EXPH5: variants seen among roughly 807,000 people sequenced by gnomAD.
EXPH5 encodes the protein exophilin 5, also known as exophilin-5.
In EXPH5, 42 loss-of-function variants were observed where a neutral mutation model predicts 41.1. The observed-to-expected ratio is 1.02, with a 90% CI of 0.80 to 1.32. The LOEUF (loss-of-function observed/expected upper bound fraction) is 1.32, where lower values mean the gene tolerates loss of function less well. EXPH5 is among the 40% of genes most tolerant of loss of function. EXPH5 has a pLI of 0.00. For synonymous variants in EXPH5, 798 were observed against 833.5 expected (o/e 0.96, Z 0.73); for missense variants, 2,298 against 2,314.5 (o/e 0.99, Z 0.15).
rs1311329001 is a variant in EXPH5, at chr11:108,509,871, G to T, written c.5636C>A (p.Ser1879Tyr). The change falls in exon 6 of 6, where the codon TCT (serine) becomes TAT (tyrosine). Residue 1879 changes from serine to tyrosine, a missense_variant. By Grantham distance (144) the Ser-to-Tyr change is moderately radical. Coordinates refer to ENST00000265843, the MANE Select transcript of EXPH5 (RefSeq NM_015065.3). ...CCCATAGTCGATAGGTCTGTATATA[G>T]ATATTGCAGACCTGGGACCTGTTTT... ...GTKTGPRSAI[S>Y]IYRPIDYGIF... is the part of the protein sequence containing the mutation. 2 of 1,610,406 alleles carry T rather than the reference G, an allele frequency of 1.2e-6. No individual in the cohort carries two copies. The highest frequency in any genetic ancestry group is 1.7e-6 in the Non-Finnish European group (2 of 1,178,960).
At chr11:108,600,039 T>C in the EXPH5 span, among the ~76,000 whole-genome samples, 1 of 152,222 alleles carries the variant, frequency 6.6e-6, no homozygotes, top group Admixed American at 6.5e-5. Context: ...ACTTGGAATC[T>C]ACAAGTAAGG....
rs373236523 is a variant in EXPH5, at chr11:108,510,095, G to T, written c.5412C>A (p.Gly1804=). Residue 1804 remains glycine (G), a synonymous_variant, in exon 6 of 6, where the codon GGC becomes GGA. Coordinates refer to ENST00000265843, the MANE Select transcript of EXPH5 (RefSeq NM_015065.3). ...SKSLKSINVH[G]DLLRKSHPPK... is the part of the protein sequence containing the mutation. ...GAGGATGGCTTTTTCGTAGTAGATC[G>T]CCATGAACATTAATGCTTTTTAAAC... The T allele has an allele frequency of 3.1e-6, 5 of 1,612,958 alleles. No homozygotes were observed. In the East Asian group the frequency reaches 6.7e-5, roughly 22 times the overall value.
intron 1 of EXPH5, among the ~76,000 whole-genome samples, chr11:108,567,322 G>A (rs1405130726): frequency 6.6e-6 from 1 of 152,184 alleles, no homozygotes; most frequent in African/African-American, 2.4e-5. Flanking sequence ...CAATAAATGT[G>A]TTATGTAGAA....
intron 1 of EXPH5, among the ~76,000 whole-genome samples, chr11:108,589,006 T>C (rs542357519): frequency 6.6e-6 from 1 of 152,294 alleles, no homozygotes; most frequent in Non-Finnish European, 1.5e-5. Flanking sequence ...TGGTACTTTG[T>C]TATGTTTCAG....
chr11:108,525,097 C>G (rs1311024828), intron 4 of EXPH5, among the ~76,000 whole-genome samples: 1 of 152,204 alleles, frequency 6.6e-6, no homozygotes, highest in Non-Finnish European at 1.5e-5. Flanking sequence ...GGCTCTCATT[C>G]TCTCTTGCTT....
intron 1 of EXPH5, among the ~76,000 whole-genome samples, chr11:108,576,968 G>A (rs949445197): frequency 6.6e-6 from 1 of 152,128 alleles, no homozygotes; most frequent in Non-Finnish European, 1.5e-5. Context: ...CCATATATGA[G>A]TGAGAATATG....
At chr11:108,605,671 T>C in the EXPH5 span, among the ~76,000 whole-genome samples, 1 of 152,242 alleles carries the variant, frequency 6.6e-6, no homozygotes, top group Non-Finnish European at 1.5e-5. Context: ...GGTTGTGGGA[T>C]ACACTCTGCT....
chr11:108,552,628 A>G (rs2093971767), intron 1 of EXPH5, among the ~76,000 whole-genome samples: 3 of 152,316 alleles, frequency 2.0e-5, no homozygotes, highest in African/African-American at 7.2e-5. Context: ...TGTATTTAAA[A>G]AATTGACCAT....
chr11:108,562,673 C>T (rs1201530721), intron 1 of EXPH5, among the ~76,000 whole-genome samples: 1 of 151,110 alleles, frequency 6.6e-6, no homozygotes, highest in Non-Finnish European at 1.5e-5. Flanking sequence ...AAAGAAAAAA[C>T]TTGAAGGGGC....
At chr11:108,600,968 G>T in the EXPH5 span, among the ~76,000 whole-genome samples, 1 of 152,304 alleles carries the variant, frequency 6.6e-6, no homozygotes, top group Non-Finnish European at 1.5e-5. Context: ...AGAAGTTGTT[G>T]CCATGCCTTA....
At position 108,510,214 on chromosome 11, in the gene EXPH5, T is replaced by C; in HGVS notation, c.5293A>G (p.Arg1765Gly). ...AAACTGGCCAGTGGACTGCTTACTC[T>C]AGATTTCTGTGCAGGCTCCAGTGGA... ...PFPLEPAQKS[R>G]VSSPLASFLQ... is the part of the protein sequence containing the mutation. The change falls in exon 6 of 6, where the codon AGA becomes GGA. Residue 1765 changes from arginine (R) to glycine (G), a missense_variant. Physicochemically the swap from Arg to Gly is moderately radical, Grantham distance 125. Coordinates refer to ENST00000265843, the MANE Select transcript of EXPH5 (RefSeq NM_015065.3). 2 of 1,613,918 alleles carry C rather than the reference T, an allele frequency of 1.2e-6. No individual in the cohort carries two copies. The highest frequency in any genetic ancestry group is 2.7e-5 in the African/African-American group (2 of 75,012).
Position 108,510,966 on chromosome 11 carries a change from A to C in EXPH5, c.4541T>G (p.Leu1514Trp). The C allele has an allele frequency of 6.2e-7, 1 of 1,614,126 alleles. No homozygotes were observed. Among genetic ancestry groups the C allele is most frequent in the Non-Finnish European group, 8.5e-7 (1 of 1,180,006 alleles). The change falls in exon 6 of 6, where the codon TTG becomes TGG. Residue 1514 changes from leucine to tryptophan, a missense_variant. By Grantham distance (61) the Leu-to-Trp change is moderately conservative (BLOSUM62 -2). Transcript: ENST00000265843. ...CTCCTCACCAAGCTGTAGTTTATGC[A>C]ATGCTGGAGTAAGGGCAAAGACTTG... ...ESQVFALTPA[L>W]HKLQLGEETQ...
At chr11:108,527,487 G>A (rs754336748) in intron 4 of EXPH5, among the ~76,000 whole-genome samples, 30 of 152,112 alleles carry the variant, frequency 2.0e-4, no homozygotes, top group South Asian at 6.2e-4. Context: ...CCTCCTGCCC[G>A]CTTTCAAAAC....
At chr11:108,602,300 C>A in the EXPH5 span, among the ~76,000 whole-genome samples, 1 of 152,138 alleles carries the variant, frequency 6.6e-6, no homozygotes, top group African/African-American at 2.4e-5. Context: ...TGCTGTGTGC[C>A]AGGCACTGTT....
At chr11:108,597,861 A>C (rs185376756), upstream of EXPH5, among the ~76,000 whole-genome samples, 10 of 152,336 alleles carry the variant, frequency 6.6e-5, no homozygotes, top group East Asian at 1.9e-3. Flanking sequence ...ATTAGAACTA[A>C]AGAAGGAGTA....
chr11:108,527,866 A>G (rs2093810328), intron 4 of EXPH5, among the ~76,000 whole-genome samples: 1 of 152,196 alleles, frequency 6.6e-6, no homozygotes, highest in South Asian at 2.1e-4. Context: ...AGGGCTGTAC[A>G]GGGGCAACAC....
chr11:108,514,453 T>C lies in EXPH5; in HGVS notation c.1054A>G (p.Ser352Gly). ...TGGTGCCTTGGTGGTATAAACCCAC[T>C]CTTGCTCTGAGTTGTGGCTGGAAAA... ...LHFPATTQSK[S>G]GFIPPRHQQS... is the part of the protein sequence containing the mutation. The change falls in exon 6 of 6, where the codon AGT becomes GGT. Residue 352 changes from serine to glycine, a missense_variant. Transcript: ENST00000265843. The C allele has an allele frequency of 1.2e-6, 2 of 1,613,990 alleles. No individual in the cohort carries two copies. The highest frequency in any genetic ancestry group is 2.7e-5 in the African/African-American group (2 of 75,050).
the EXPH5 span, among the ~76,000 whole-genome samples, chr11:108,600,882 G>A: frequency 7.2e-5 from 11 of 152,316 alleles, no homozygotes; most frequent in Admixed American, 4.6e-4. Flanking sequence ...TCAATGACAA[G>A]TACAATGTTA....
upstream of EXPH5, chr11:108,593,858 C>G (rs1173887250): frequency 5.3e-6 from 5 of 951,802 alleles, no homozygotes; most frequent in African/African-American, 3.3e-5. Context: ...CGTCTCGTCC[C>G]GTCCCTCGTC....
Sources: allele counts gnomAD v4.1 joint callset (sites outside exome capture counted in the v4.1 genomes callset), GRCh38; gene constraint gnomAD v4.1.1; transcripts MANE v1.5; gene names NCBI Gene and HGNC (gene_info 2026-07-23, HGNC 2026-07-21).